OPA1: variants seen among roughly 807,000 people sequenced by gnomAD.
OPA1 encodes the protein dynamin-like GTPase OPA1, mitochondrial.
In OPA1, 59 loss-of-function variants were observed where a neutral mutation model predicts 152.9. That is an observed-to-expected ratio of 0.39 (90% CI 0.31 to 0.48). OPA1 has a LOEUF of 0.48. Ranked by LOEUF, OPA1 falls within the 20% of genes least tolerant of loss-of-function variation. The probability of loss-of-function intolerance (pLI) is 0.96; values close to 1 mark genes in which losing one functional copy is unlikely to be tolerated. For missense variants in OPA1, 1,008 were observed against 1,216.8 expected (o/e 0.83, Z 2.55); for synonymous variants, 400 against 389.9 (o/e 1.03, Z -0.31).
intron 1 of OPA1, among the ~76,000 whole-genome samples, chr3:193,608,630 G>T (rs539376427): frequency 1.2e-4 from 18 of 152,288 alleles, no homozygotes; most frequent in African/African-American, 4.1e-4. Flanking sequence ...CAACTATGTG[G>T]TCAATTTTGG....
In OPA1 at chr3:193,644,115, A is replaced by G. The variant is rs901704720; in HGVS notation, c.1608+10A>G. ...AGCCAGTCCAAGCAGGGTGAGGTCA[A>G]ATTCTTTGTTGCGAGAATAGATTCT... is the stretch of plus-strand genomic sequence containing the variant. On this transcript the variant is annotated intron_variant, in intron 16 of 30. Transcript: ENST00000361510. 1 of 1,613,450 alleles carries G rather than the reference A, an allele frequency of 6.2e-7. No homozygotes were observed. The highest frequency in any genetic ancestry group is 1.7e-4 in the Middle Eastern group (1 of 6,058).
intron 6 of OPA1, among the ~76,000 whole-genome samples, chr3:193,622,392 C>T (rs1212053775): frequency 6.6e-6 from 1 of 151,942 alleles, no homozygotes; most frequent in African/African-American, 2.4e-5. Context: ...CCACGCCTAG[C>T]TAATTTTTGT....
intron 1 of OPA1, among the ~76,000 whole-genome samples, chr3:193,608,842 C>T (rs1727701950): frequency 6.6e-6 from 1 of 151,996 alleles, no homozygotes; most frequent in Admixed American, 6.6e-5. Flanking sequence ...GAGTCTGAGT[C>T]TCTTTGTAGG....
At chr3:193,668,785 G>A (rs1717276617) in intron 29 of OPA1, 4 of 1,190,124 alleles carry the variant, frequency 3.4e-6, no homozygotes, top group Non-Finnish European at 4.2e-6. Context: ...CTTTGTCACT[G>A]TTTGGGGTTG....
At chr3:193,621,174 T>C (rs1196158365) in intron 6 of OPA1, among the ~76,000 whole-genome samples, 1 of 152,212 alleles carries the variant, frequency 6.6e-6, no homozygotes, top group African/African-American at 2.4e-5. Flanking sequence ...ATCAGCTTTT[T>C]AAAAAAGTAA....
intron 29 of OPA1, among the ~76,000 whole-genome samples, chr3:193,675,518 C>G (rs889445836): frequency 6.6e-6 from 1 of 152,004 alleles, no homozygotes; most frequent in Admixed American, 6.5e-5. Context: ...TTTTCCCTTT[C>G]TTTTTATGCA....
intron 23 of OPA1, among the ~76,000 whole-genome samples, chr3:193,658,058 C>T (rs192187966): frequency 1.9e-3 from 294 of 152,098 alleles, no homozygotes; most frequent in African/African-American, 6.6e-3. Context: ...CCAGCCTGAC[C>T]AACGTGGATA....
intron 4 of OPA1, 95 bp downstream of exon 4, chr3:193,617,380 A>C: frequency 6.7e-6 from 5 of 750,910 alleles, no homozygotes; most frequent in Non-Finnish European, 9.1e-6. Context: ...TTTAAAATTA[A>C]AATATTTAGT....
chr3:193,654,321 C>T (rs1713259488), intron 21 of OPA1, among the ~76,000 whole-genome samples: 1 of 151,700 alleles, frequency 6.6e-6, no homozygotes, highest in Non-Finnish European at 1.5e-5. Context: ...CATAGTGAGA[C>T]CCCATCTCTA....
chr3:193,683,929 A>G (rs1720561623), intron 29 of OPA1, among the ~76,000 whole-genome samples: 1 of 152,164 alleles, frequency 6.6e-6, no homozygotes, highest in South Asian at 2.1e-4. Context: ...ATATCTCCCA[A>G]GTATGCTGGG....
intron 29 of OPA1, among the ~76,000 whole-genome samples, chr3:193,688,422 C>A (rs1721209745): frequency 1.7e-5 from 2 of 116,484 alleles, no homozygotes; most frequent in Non-Finnish European, 3.7e-5. Flanking sequence ...TGTTTTGTTC[C>A]CTGATTTTTA....
At chr3:193,610,526 A>G (rs1332230841) in intron 1 of OPA1, among the ~76,000 whole-genome samples, 2 of 152,036 alleles carry the variant, frequency 1.3e-5, no homozygotes, top group East Asian at 1.9e-4. Context: ...TCAGATCTCA[A>G]GCTGTGTGCT....
Position 193,652,646 on chromosome 3 carries a change from T to A in OPA1, c.2013-2216T>A, listed in dbSNP as rs115993811. Among the ~76,000 whole-genome samples the A allele has an allele frequency of 6.8e-3, 1,031 of 152,260 alleles. 11 individuals carry two copies. The highest frequency in any genetic ancestry group is 0.024 in the African/African-American group (995 of 41,536). ...ATTTGAGGACAGAGGACAATCACTTTCCTTAAGGAAAGGTTTGGAGGTAAG... is the reference window on the plus strand; with the variant it reads ...ATTTGAGGACAGAGGACAATCACTTACCTTAAGGAAAGGTTTGGAGGTAAG... On this transcript the variant is annotated intron_variant, in intron 21 of 30. Coordinates refer to ENST00000361510, the MANE Select transcript of OPA1 (RefSeq NM_130837.3).
At chr3:193,644,181 A>T in intron 16 of OPA1, 76 bp downstream of exon 16, 2 of 1,528,430 alleles carry the variant, frequency 1.3e-6, no homozygotes. Context: ...GTTATTTAAA[A>T]AAACAACAAC....
At chr3:193,693,147 C>G (rs989337322) in intron 30 of OPA1, among the ~76,000 whole-genome samples, 2 of 152,292 alleles carry the variant, frequency 1.3e-5, no homozygotes, top group South Asian at 4.1e-4. Flanking sequence ...ACGCTCGGTT[C>G]AGGTCAGTTC....
chr3:193,609,578 T>C (rs1727861365), intron 1 of OPA1, among the ~76,000 whole-genome samples: 1 of 152,224 alleles, frequency 6.6e-6, no homozygotes, highest in South Asian at 2.1e-4. Context: ...AATTTGAATG[T>C]TGGCCTGCCT....
intron 1 of OPA1, among the ~76,000 whole-genome samples, chr3:193,613,270 T>C (rs1463696439): frequency 6.6e-6 from 1 of 152,204 alleles, no homozygotes; most frequent in East Asian, 1.9e-4. Flanking sequence ...GTCTGCCTAT[T>C]GTGCTAGGTT....
At chr3:193,680,042 G>A (rs1432654487) in intron 29 of OPA1, among the ~76,000 whole-genome samples, 2 of 152,146 alleles carry the variant, frequency 1.3e-5, no homozygotes, top group Non-Finnish European at 2.9e-5. Flanking sequence ...CTTGTGCTAA[G>A]TTTCATAATG....
intron 1 of OPA1, among the ~76,000 whole-genome samples, chr3:193,593,929 A>C (rs1330372750): frequency 2.0e-5 from 3 of 152,114 alleles, no homozygotes; most frequent in Non-Finnish European, 4.4e-5. Flanking sequence ...CGCTGATAGA[A>C]GTCAGAACTA....
Sources: gnomAD v4.1 joint callset for allele counts (sites outside exome capture counted in the v4.1 genomes callset) on GRCh38, gnomAD v4.1.1 for gene constraint, MANE v1.5 for transcripts, NCBI Gene and HGNC (gene_info 2026-07-23, HGNC 2026-07-21) for gene names.